NELL1: variants seen among roughly 807,000 people sequenced by gnomAD.
NELL1 encodes protein kinase C-binding protein NELL1.
In NELL1, 76 loss-of-function variants were observed where a neutral mutation model predicts 107.4. The observed-to-expected ratio is 0.71, with a 90% confidence interval of 0.59 to 0.86. The LOEUF (loss-of-function observed/expected upper bound fraction) is 0.86. Among genes scored for constraint, NELL1 ranks in the 40% least tolerant of loss-of-function variants. NELL1 has a pLI of 0.00. For missense variants in NELL1, 1,024 were observed against 1,005.5 expected, an observed-to-expected ratio of 1.02 and a Z score of -0.25; for synonymous variants, 353 against 341.2, an observed-to-expected ratio of 1.03 and a Z score of -0.38.
rs532169455 is a variant in NELL1 at position 21,249,776 on chromosome 11, C to T, written c.1549+20322C>T. 3.9e-5 allele frequency among the ~76,000 whole-genome samples: 6 copies of T among 152,218 alleles called. No homozygotes were observed. In the South Asian group the frequency reaches 1.2e-3, roughly 32 times the overall value. ...AAACATGAGAGGAAATAGGAATCATCACAGTAGAGGCCCAATTTTAATCAT... is the reference window on the plus strand; with the variant it reads ...AAACATGAGAGGAAATAGGAATCATTACAGTAGAGGCCCAATTTTAATCAT... On this transcript the variant is annotated intron_variant, in intron 14 of 19. Coordinates refer to ENST00000357134, the MANE Select transcript of NELL1 (RefSeq NM_006157.5).
intron 13 of NELL1, among the ~76,000 whole-genome samples, chr11:21,195,324 C>T (rs60131265): frequency 0.036 from 5,467 of 152,146 alleles, 317 homozygotes; most frequent in African/African-American, 0.12. Context: ...TTCAGTGAAC[C>T]TGAGTTTGGT....
At chr11:20,771,126 C>T (rs934310619) in intron 2 of NELL1, among the ~76,000 whole-genome samples, 3 of 152,112 alleles carry the variant, frequency 2.0e-5, no homozygotes. Context: ...AGAGGGTCCC[C>T]CTCCCCAAGT....
At chr11:21,085,084 TAAATA>T (rs374938527) in intron 12 of NELL1, among the ~76,000 whole-genome samples, 23 of 152,326 alleles carry the variant, frequency 1.5e-4, no homozygotes, top group Non-Finnish European at 2.9e-4. Flanking sequence ...CACCTAAAAT[TAAATA>T]AATGTTAACT....
intron 7 of NELL1, among the ~76,000 whole-genome samples, chr11:20,924,985 G>T (rs1303292064): frequency 6.6e-6 from 1 of 152,166 alleles, no homozygotes; most frequent in Non-Finnish European, 1.5e-5. Flanking sequence ...TTGAATCCAT[G>T]TGAATGAATT....
chr11:21,009,141 A>G (rs1852392776), intron 12 of NELL1, among the ~76,000 whole-genome samples: 1 of 152,146 alleles, frequency 6.6e-6, no homozygotes, highest in Non-Finnish European at 1.5e-5. Flanking sequence ...ATGGGACCCA[A>G]GGATGCTCAT....
intron 12 of NELL1, among the ~76,000 whole-genome samples, chr11:21,094,683 CCT>C: frequency 6.6e-6 from 1 of 152,186 alleles, no homozygotes; most frequent in Non-Finnish European, 1.5e-5. Context: ...GAGCTTTCAC[CCT>C]CTGAAACCAT....
At chr11:20,954,360 G>C (rs1026572889) in intron 11 of NELL1, among the ~76,000 whole-genome samples, 1 of 152,014 alleles carries the variant, frequency 6.6e-6, no homozygotes, top group Admixed American at 6.5e-5. Context: ...CTCCCACTAG[G>C]ATCTGTGTCC....
intron 14 of NELL1, among the ~76,000 whole-genome samples, chr11:21,335,172 GC>G (rs1850362738): frequency 6.6e-6 from 1 of 151,962 alleles, no homozygotes; most frequent in Non-Finnish European, 1.5e-5. Flanking sequence ...CATTTTAAAT[GC>G]CTGAATCACT....
At chr11:21,469,295 T>G (rs151215299) in intron 15 of NELL1, among the ~76,000 whole-genome samples, 129 of 152,128 alleles carry the variant, frequency 8.5e-4, no homozygotes, top group African/African-American at 3.0e-3. Context: ...TTGTTTTGTT[T>G]TGCTTCTCTG....
chr11:21,286,805 C>T (rs1332743810), intron 14 of NELL1, among the ~76,000 whole-genome samples: 4 of 152,202 alleles, frequency 2.6e-5, no homozygotes, highest in African/African-American at 4.8e-5. Context: ...GTAAGCTCCA[C>T]GTGTTTTCTT....
At chr11:20,680,398 C>A (rs1441677531) in intron 2 of NELL1, among the ~76,000 whole-genome samples, 1 of 152,062 alleles carries the variant, frequency 6.6e-6, no homozygotes, top group Middle Eastern at 3.2e-3. Context: ...CCCTTAATCT[C>A]AGCTGAAAAA....
At chr11:21,190,499 G>A (rs1857027273) in intron 13 of NELL1, among the ~76,000 whole-genome samples, 1 of 151,842 alleles carries the variant, frequency 6.6e-6, no homozygotes, top group Non-Finnish European at 1.5e-5. Flanking sequence ...GATAGGAACT[G>A]ACCCTAGATT....
At chr11:21,311,908 T>C (rs1009658498) in intron 14 of NELL1, among the ~76,000 whole-genome samples, 1 of 152,114 alleles carries the variant, frequency 6.6e-6, no homozygotes, top group African/African-American at 2.4e-5. Context: ...GAAGGCAGGA[T>C]CTTTGGGATG....
At chr11:20,862,676 G>A (rs1372062956) in intron 4 of NELL1, among the ~76,000 whole-genome samples, 2 of 137,474 alleles carry the variant, frequency 1.5e-5, no homozygotes, top group African/African-American at 5.3e-5. Context: ...CAGGGTCATA[G>A]GACAATAGTG....
chr11:20,795,242 A>T (rs1197758647), intron 3 of NELL1, among the ~76,000 whole-genome samples: 1 of 152,204 alleles, frequency 6.6e-6, no homozygotes, highest in Non-Finnish European at 1.5e-5. Context: ...GAGCCAATTG[A>T]GTTCCCATGG....
intron 2 of NELL1, among the ~76,000 whole-genome samples, chr11:20,760,020 A>T (rs537444105): frequency 6.6e-6 from 1 of 152,184 alleles, no homozygotes; most frequent in Non-Finnish European, 1.5e-5. Flanking sequence ...GAGATACTTC[A>T]TTCTCTCCCT....
intron 2 of NELL1, among the ~76,000 whole-genome samples, chr11:20,768,172 T>G (rs1391312296): frequency 6.6e-6 from 1 of 152,212 alleles, no homozygotes; most frequent in Non-Finnish European, 1.5e-5. Flanking sequence ...CATTTAATCC[T>G]TATAACAATT....
intron 2 of NELL1, among the ~76,000 whole-genome samples, chr11:20,693,671 G>C (rs1051227120): frequency 6.6e-6 from 1 of 152,028 alleles, no homozygotes; most frequent in East Asian, 1.9e-4. Flanking sequence ...AGTCTGATGG[G>C]CTTCCCTTTG....
At chr11:21,474,463 C>T (rs1206277031) in intron 15 of NELL1, among the ~76,000 whole-genome samples, 1 of 151,968 alleles carries the variant, frequency 6.6e-6, no homozygotes, top group African/African-American at 2.4e-5. Flanking sequence ...CAATATTCAG[C>T]ACATAGTAGG....
Sources: allele counts gnomAD v4.1 joint callset (sites outside exome capture counted in the v4.1 genomes callset), GRCh38; gene constraint gnomAD v4.1.1; transcripts MANE v1.5; gene names NCBI Gene and HGNC (gene_info 2026-07-23, HGNC 2026-07-21).